TMEM62: variants seen among roughly 807,000 people sequenced by gnomAD.
TMEM62 encodes transmembrane protein 62.
A neutral mutation model predicts 70.4 loss-of-function variants in TMEM62; 41 were observed. That is an observed-to-expected ratio of 0.58 (90% confidence interval 0.45 to 0.76). TMEM62 has a LOEUF of 0.76. Ranked by LOEUF, TMEM62 falls within the 30% of genes least tolerant of loss-of-function variation. TMEM62 has a pLI of 0.00. For synonymous variants in TMEM62, 268 were observed against 291.0 expected (o/e 0.92, Z 0.80); for missense variants, 688 against 788.5 (o/e 0.87, Z 1.53).
In TMEM62 at chr15:43,133,751, C is replaced by G. The variant is rs1336697401; in HGVS notation, c.-52C>G. On this transcript the variant is annotated 5_prime_UTR_variant, in exon 1 of 14. Transcript: ENST00000260403. Reference sequence around the variant, plus strand: ...CAGGCAAAGCGGCTCCCGGGAGCGCCGCGCGGTCCTGCGCGGGATCAGCGA... The same window carrying G: ...CAGGCAAAGCGGCTCCCGGGAGCGCGGCGCGGTCCTGCGCGGGATCAGCGA... The G allele has an allele frequency of 5.9e-5, 74 of 1,253,126 alleles. No homozygotes were observed. The highest frequency in any genetic ancestry group is 2.8e-5 in the Non-Finnish European group (28 of 989,272). 77.6% of individuals were successfully genotyped at this position (1,253,126 alleles called of 1,614,324 possible).
chr15:43,138,344 G>A (rs1431985064), intron 3 of TMEM62, among the ~76,000 whole-genome samples: 5 of 152,154 alleles, frequency 3.3e-5, no homozygotes, highest in Non-Finnish European at 4.4e-5. Flanking sequence ...GCACTTCTAG[G>A]TGGGGGAAGC....
rs747746858 is a variant in TMEM62, at chr15:43,148,866, C to T, written c.730C>T (p.Arg244Trp). The T allele has an allele frequency of 2.3e-5, 37 of 1,612,942 alleles. No individual in the cohort carries two copies. Among genetic ancestry groups the T allele is most frequent in the South Asian group, 8.8e-5 (8 of 90,568 alleles). Residue 244 changes from arginine (R) to tryptophan (W), a missense_variant, in exon 6 of 14, where the codon CGG becomes TGG. Arg to Trp is a moderately radical substitution (Grantham distance 101). Coordinates refer to ENST00000260403, the MANE Select transcript of TMEM62 (RefSeq NM_024956.4). ...TATTCTTTCTCCATCACCAGGAATC[C>T]GGTCAATAATGAGGTGAGACAAGCT... ...STILSPSPGI[R>W]SIMSSAIAYL...
At position 43,178,713 on chromosome 15, in the gene TMEM62, TA is replaced by T; in HGVS notation, c.1486+4del. 6.4e-7 allele frequency: 1 copy of T among 1,571,830 alleles called. No homozygotes were observed. The highest frequency in any genetic ancestry group is 8.7e-7 in the Non-Finnish European group (1 of 1,149,302). ...TGTTGACCCTGTATACAGTGCTGGG[TA>T]AGTAAATTAGTACAGATTATGGGGA... On this transcript the variant is annotated splice_donor_region_variant and intron_variant, in intron 12 of 13. Transcript: ENST00000260403.
chr15:43,140,778 T>G (rs746098344), intron 4 of TMEM62, among the ~76,000 whole-genome samples: 7 of 152,144 alleles, frequency 4.6e-5, no homozygotes, highest in Non-Finnish European at 1.0e-4. Flanking sequence ...CTCATGGCAA[T>G]AGAGCTTCAG....
intron 11 of TMEM62, among the ~76,000 whole-genome samples, chr15:43,178,284 T>C (rs1323782656): frequency 6.6e-6 from 1 of 151,966 alleles, no homozygotes; most frequent in African/African-American, 2.4e-5. Flanking sequence ...TATATATATA[T>C]GTATATGTAC....
chr15:43,180,475 A>C (rs1344045766), intron 12 of TMEM62, among the ~76,000 whole-genome samples: 1 of 152,164 alleles, frequency 6.6e-6, no homozygotes, highest in East Asian at 1.9e-4. Context: ...CACTCTTGAC[A>C]AACAACTTGA....
chr15:43,184,352 A>C lies in TMEM62; in HGVS notation c.1698A>C (p.Gln566His). Residue 566 changes from glutamine (Q) to histidine (H), a missense_variant, in exon 14 of 14, where the codon CAA (glutamine) becomes CAC (histidine). Coordinates refer to ENST00000260403, the MANE Select transcript of TMEM62 (RefSeq NM_024956.4). ...ACAACTTCAGGTCTCATCTCCATCA[A>C]AGAAAATACTTGAAAATTATGCCTG... ...FGHNFRSHLH[Q>H]RKYLKIMPVH... 6.2e-7 allele frequency: 1 copy of C among 1,614,212 alleles called. No individual in the cohort carries two copies. Among genetic ancestry groups the C allele is most frequent in the East Asian group, 2.2e-5 (1 of 44,886 alleles).
chr15:43,134,048 C>G, intron 1 of TMEM62, 66 bp downstream of exon 1: 1 of 1,436,662 alleles, frequency 7.0e-7, no homozygotes, highest in Non-Finnish European at 9.1e-7. Flanking sequence ...GGGACCCTTG[C>G]GGGTGTTGGG....
In TMEM62 at chr15:43,138,620, G is replaced by A. The variant is rs767292716; in HGVS notation, c.476+1G>A. On this transcript the variant is annotated splice_donor_variant, in intron 4 of 13. Coordinates refer to ENST00000260403, the MANE Select transcript of TMEM62 (RefSeq NM_024956.4). LOFTEE classifies it high-confidence loss of function. Reference sequence around the variant, plus strand: ...TGGACAGCATCAAGAATTATTACAGGTACTGTAATAAACAGAAGACAGACC... The same window carrying A: ...TGGACAGCATCAAGAATTATTACAGATACTGTAATAAACAGAAGACAGACC... The A allele has an allele frequency of 4.4e-6, 7 of 1,592,540 alleles. No individual in the cohort carries two copies. The highest frequency in any genetic ancestry group is 1.7e-5 in the Admixed American group (1 of 58,570).
At chr15:43,139,431 A>G (rs1411679590) in intron 4 of TMEM62, among the ~76,000 whole-genome samples, 1 of 152,156 alleles carries the variant, frequency 6.6e-6, no homozygotes, top group African/African-American at 2.4e-5. Context: ...AGGGCCCAAC[A>G]TCTCTCACTT....
chr15:43,154,748 C>T lies in TMEM62; in HGVS notation c.1099C>T (p.His367Tyr). 1 of 1,613,970 alleles carries T rather than the reference C, an allele frequency of 6.2e-7. No homozygotes were observed. The highest frequency in any genetic ancestry group is 8.5e-7 in the Non-Finnish European group (1 of 1,179,910). ...IDGVHLGQAV[H>Y]VSGPIFVLKW... ...TGGAGTTCATTTAGGCCAGGCTGTT[C>T]ATGTGTCTGGTCCCATTTTCGTACT... Residue 367 changes from histidine (H) to tyrosine (Y), a missense_variant, in exon 9 of 14, where the codon CAT (histidine) becomes TAT (tyrosine). By Grantham distance (83) the His-to-Tyr change is moderately conservative. Transcript: ENST00000260403.
chr15:43,175,875 C>T (rs551107365), intron 11 of TMEM62, among the ~76,000 whole-genome samples: 483 of 152,310 alleles, frequency 3.2e-3, no homozygotes, highest in Non-Finnish European at 5.4e-3. Flanking sequence ...CGAAGCAGGG[C>T]GAGGCATTGC....
At chr15:43,154,956 G>T in intron 9 of TMEM62, 125 bp downstream of exon 9, 1 of 848,090 alleles carries the variant, frequency 1.2e-6, no homozygotes, top group Non-Finnish European at 1.7e-6. Context: ...GGCCGGGCAT[G>T]GTGGCTCACG....
chr15:43,174,609 G>GT (rs2040542962), intron 11 of TMEM62, among the ~76,000 whole-genome samples: 1 of 152,126 alleles, frequency 6.6e-6, no homozygotes, highest in South Asian at 2.1e-4. Flanking sequence ...ATCATGTGAG[G>GT]TAGGTGCTAT....
chr15:43,184,699 A>G lies in TMEM62; in HGVS notation c.*113A>G, dbSNP rs1291902621. 1.1e-6 allele frequency: 1 copy of G among 916,468 alleles called. No homozygotes were observed. The highest frequency in any genetic ancestry group is 1.7e-5 in the African/African-American group (1 of 59,994). 56.8% of individuals were successfully genotyped at this position (916,468 alleles called of 1,614,324 possible). ...CAGGATTGGTGGGTGAGCTTTAGGGAGCAGCTGCTCGTTTGGAGTCCTGGA... is the reference window on the plus strand; with the variant it reads ...CAGGATTGGTGGGTGAGCTTTAGGGGGCAGCTGCTCGTTTGGAGTCCTGGA... On this transcript the variant is annotated 3_prime_UTR_variant, in exon 14 of 14. Coordinates refer to ENST00000260403, the MANE Select transcript of TMEM62 (RefSeq NM_024956.4).
intron 10 of TMEM62, among the ~76,000 whole-genome samples, chr15:43,161,717 A>G (rs1312571226): frequency 6.6e-6 from 1 of 151,872 alleles, no homozygotes; most frequent in African/African-American, 2.4e-5. Context: ...CTGGAGTGCA[A>G]TAGTGCCATC....
Position 43,146,531 on chromosome 15 carries a change from A to T in TMEM62, c.515A>T (p.Tyr172Phe). Residue 172 changes from tyrosine (Y) to phenylalanine (F), a missense_variant, in exon 5 of 14, where the codon TAT becomes TTT. Transcript: ENST00000260403. ...GTACGTAGAGATGGCTCTTTCCATT[A>T]TGTCCACAGTACTCCCTTTGGCAAC... ...SAVRRDGSFHYVHSTPFGNYS... is the reference protein window; with the variant it reads ...SAVRRDGSFHFVHSTPFGNYS... 1 of 1,613,656 alleles carries T rather than the reference A, an allele frequency of 6.2e-7. No homozygotes were observed. Among genetic ancestry groups the T allele is most frequent in the Non-Finnish European group, 8.5e-7 (1 of 1,179,734 alleles).
At chr15:43,178,304 C>CAT (rs912162493) in intron 11 of TMEM62, among the ~76,000 whole-genome samples, 10 of 151,722 alleles carry the variant, frequency 6.6e-5, no homozygotes, top group Middle Eastern at 3.4e-3. Context: ...CATATATGTG[C>CAT]ATATATATAT....
intron 13 of TMEM62, among the ~76,000 whole-genome samples, chr15:43,181,949 T>G (rs867082083): frequency 2.0e-5 from 3 of 152,252 alleles, no homozygotes; most frequent in Middle Eastern, 6.8e-3. Flanking sequence ...CAAAACTGAT[T>G]ATGATGATGA....
Sources: allele counts gnomAD v4.1 joint callset (sites outside exome capture counted in the v4.1 genomes callset), GRCh38; gene constraint gnomAD v4.1.1; transcripts MANE v1.5; gene names NCBI Gene and HGNC (gene_info 2026-07-23, HGNC 2026-07-21).